Variants in MAD1L1 observed in about 807,000 individuals in gnomAD.
The protein encoded by MAD1L1 is mitotic spindle assembly checkpoint protein MAD1.
MAD1L1 carries 95 observed loss-of-function variants against 96.9 expected under a neutral mutation model. The ratio of observed to expected loss-of-function variants is 0.98; its 90% CI spans 0.83 to 1.16. MAD1L1 has a LOEUF of 1.16. Among genes scored for constraint, MAD1L1 ranks in the 50% most tolerant of loss-of-function variants. MAD1L1 has a pLI of 0.00. For synonymous variants in MAD1L1, 473 were observed against 396.6 expected (o/e 1.19, Z -2.29); for missense variants, 1,007 against 954.4 (o/e 1.06, Z -0.73).
intron 11 of MAD1L1, among the ~76,000 whole-genome samples, chr7:2,079,014 G>A (rs1013500842): frequency 5.0e-4 from 43 of 85,504 alleles, no homozygotes; most frequent in African/African-American, 1.9e-3. Flanking sequence ...CGTTCCATGT[G>A]TCTCTCAGAA....
At chr7:1,907,075 G>C (rs2128447690) in intron 17 of MAD1L1, among the ~76,000 whole-genome samples, 1 of 152,078 alleles carries the variant, frequency 6.6e-6, no homozygotes, top group South Asian at 2.1e-4. Context: ...CACTGTGAGA[G>C]CCAGGGGCCT....
At chr7:2,039,586 A>G (rs866511788) in intron 12 of MAD1L1, among the ~76,000 whole-genome samples, 10 of 152,226 alleles carry the variant, frequency 6.6e-5, no homozygotes, top group Middle Eastern at 3.4e-3. Context: ...TTTAACTTGC[A>G]TTTCCCTCAT....
intron 10 of MAD1L1, among the ~76,000 whole-genome samples, chr7:2,206,348 T>C (rs1321568867): frequency 2.0e-5 from 3 of 152,240 alleles, no homozygotes; most frequent in Non-Finnish European, 4.4e-5. Context: ...TGAAGTCTAA[T>C]TTATCAATTT....
At chr7:2,199,612 C>T (rs1360221193) in intron 10 of MAD1L1, among the ~76,000 whole-genome samples, 1 of 152,268 alleles carries the variant, frequency 6.6e-6, no homozygotes, top group Non-Finnish European at 1.5e-5. Context: ...CGCATCCGCG[C>T]CCCCGCAGTG....
chr7:2,014,217 G>C (rs183456803), intron 13 of MAD1L1, among the ~76,000 whole-genome samples: 241 of 152,296 alleles, frequency 1.6e-3, no homozygotes, highest in Admixed American at 2.5e-3. Context: ...ATCATGAGGC[G>C]GTCCTAACCA....
At chr7:1,842,893 C>T (rs1319915529) in intron 18 of MAD1L1, among the ~76,000 whole-genome samples, 3 of 152,242 alleles carry the variant, frequency 2.0e-5, no homozygotes, top group Non-Finnish European at 2.9e-5. Flanking sequence ...GGCTGGTTCC[C>T]GGATGGGGAG....
intron 12 of MAD1L1, among the ~76,000 whole-genome samples, chr7:2,052,491 G>A (rs1562641075): frequency 2.0e-5 from 3 of 152,104 alleles, no homozygotes; most frequent in East Asian, 1.9e-4. Context: ...CAGCAGGCAG[G>A]GAGGGGGCTG....
intron 18 of MAD1L1, among the ~76,000 whole-genome samples, chr7:1,877,407 A>G (rs1439790636): frequency 6.6e-6 from 1 of 151,806 alleles, no homozygotes; most frequent in Non-Finnish European, 1.5e-5. Context: ...ACCAAAACAG[A>G]AGAAAACCAA....
At chr7:1,940,208 G>A (rs1778883022) in intron 16 of MAD1L1, 1 of 152,256 alleles carries the variant, frequency 6.6e-6, no homozygotes, top group Admixed American at 6.5e-5. Context: ...AGGAGGAGGG[G>A]AGGGGAAATC....
At chr7:2,111,781 G>C (rs1787395021) in intron 11 of MAD1L1, among the ~76,000 whole-genome samples, 2 of 152,176 alleles carry the variant, frequency 1.3e-5, no homozygotes. Flanking sequence ...CCTGTGCGGA[G>C]TGGACCTGCA....
intron 18 of MAD1L1, among the ~76,000 whole-genome samples, chr7:1,857,101 C>A (rs1784295611): frequency 6.6e-6 from 1 of 152,212 alleles, no homozygotes; most frequent in African/African-American, 2.4e-5. Flanking sequence ...GGGTCTCCCC[C>A]TCGGTGCCCG....
At chr7:1,902,653 G>T (rs1028476715) in intron 17 of MAD1L1, among the ~76,000 whole-genome samples, 3 of 145,576 alleles carry the variant, frequency 2.1e-5, no homozygotes, top group Non-Finnish European at 1.5e-5. Context: ...AGGTCGGCCG[G>T]GCTACGTGAG....
At chr7:1,838,582 G>GA (rs1783059274) in intron 18 of MAD1L1, 1 of 358,190 alleles carries the variant, frequency 2.8e-6, no homozygotes, top group Admixed American at 3.7e-5. Flanking sequence ...AGATGCCAGA[G>GA]ACCACTCGCC....
At chr7:1,948,681 G>C (rs1327499852) in intron 16 of MAD1L1, among the ~76,000 whole-genome samples, 1 of 152,228 alleles carries the variant, frequency 6.6e-6, no homozygotes, top group African/African-American at 2.4e-5. Flanking sequence ...CCATAGCAGA[G>C]AAAGGGCGGG....
At chr7:1,822,443 T>TATA (rs57772706) in intron 18 of MAD1L1, among the ~76,000 whole-genome samples, 130 of 105,446 alleles carry the variant, frequency 1.2e-3, no homozygotes, top group African/African-American at 3.7e-3. Flanking sequence ...TATATATATA[T>TATA]TTTTTTTTTT....
intron 17 of MAD1L1, among the ~76,000 whole-genome samples, chr7:1,907,411 A>G (rs1217988230): frequency 6.6e-6 from 1 of 152,244 alleles, no homozygotes; most frequent in Non-Finnish European, 1.5e-5. Context: ...CAATGAATCA[A>G]ATACAGTTAA....
At chr7:2,148,564 C>T (rs1201982254) in intron 11 of MAD1L1, 3 of 152,494 alleles carry the variant, frequency 2.0e-5, no homozygotes, top group African/African-American at 7.2e-5. Context: ...CCTCTCATTT[C>T]CGCCTCTGGG....
intron 10 of MAD1L1, among the ~76,000 whole-genome samples, chr7:2,165,824 G>T (rs549631775): frequency 5.9e-5 from 9 of 152,124 alleles, no homozygotes; most frequent in Non-Finnish European, 1.2e-4. Context: ...GGGGCTTGGA[G>T]CAACATGGCC....
At chr7:2,033,445 A>G (rs900160098) in intron 12 of MAD1L1, among the ~76,000 whole-genome samples, 15 of 152,268 alleles carry the variant, frequency 9.9e-5, no homozygotes, top group African/African-American at 3.6e-4. Flanking sequence ...CGCCACACCA[A>G]CACCTCCGTG....
Sources: gnomAD v4.1 joint callset for allele counts (sites outside exome capture counted in the v4.1 genomes callset) on GRCh38, gnomAD v4.1.1 for gene constraint, MANE v1.5 for transcripts, NCBI Gene and HGNC (gene_info 2026-07-23, HGNC 2026-07-21) for gene names.